The following NUTM2B variants were observed in gnomAD, a reference collection of about 807,000 sequenced individuals.
NUTM2B encodes the protein NUT family member 2B, also known as family with sequence similarity 22, member B.
A neutral mutation model predicts 42.4 loss-of-function variants in NUTM2B; 2 were observed. The observed-to-expected ratio is 0.05, with a 90% CI of 0.02 to 0.15. The LOEUF is 0.15. Among genes scored for constraint, NUTM2B ranks in the 10% least tolerant of loss-of-function variants. The probability of loss-of-function intolerance (pLI) is 1.00; values close to 1 mark genes in which losing one functional copy is unlikely to be tolerated. For missense variants in NUTM2B, 58 were observed against 952.6 expected, an observed-to-expected ratio of 0.06 and a Z score of 12.36; for synonymous variants, 18 against 402.4, an observed-to-expected ratio of 0.04 and a Z score of 11.43.
chr10:79,710,931 T>C (rs946097835), intron 5 of NUTM2B, among the ~76,000 whole-genome samples, 167 bp downstream of exon 5: 5 of 134,046 alleles, frequency 3.7e-5, no homozygotes, highest in African/African-American at 1.4e-4. Context: ...TGTGTTTGTG[T>C]CTGTGGTTTG....
the NUTM2B span, among the ~76,000 whole-genome samples, chr10:79,695,057 C>G: frequency 5.3e-4 from 81 of 152,300 alleles, no homozygotes; most frequent in African/African-American, 1.9e-3. Context: ...GACCTGAGCC[C>G]GTGTAAACTC....
intron 3 of NUTM2B, among the ~76,000 whole-genome samples, chr10:79,709,407 C>T (rs1322550073): frequency 7.4e-6 from 1 of 134,822 alleles, no homozygotes; most frequent in African/African-American, 2.8e-5. Context: ...GTCTCCCAGG[C>T]CTCGTGCCCC....
chr10:79,695,243 C>G, the NUTM2B span, among the ~76,000 whole-genome samples: 1 of 152,156 alleles, frequency 6.6e-6, no homozygotes, highest in Non-Finnish European at 1.5e-5. Flanking sequence ...CCTGAAGACT[C>G]CTTGTGAAGA....
At chr10:79,696,957 T>G in the NUTM2B span, among the ~76,000 whole-genome samples, 1 of 132,734 alleles carries the variant, frequency 7.5e-6, no homozygotes, top group African/African-American at 2.9e-5. Flanking sequence ...TACATTCACT[T>G]TGCAGTAACC....
At chr10:79,692,215 G>A in the NUTM2B span, among the ~76,000 whole-genome samples, 1 of 152,242 alleles carries the variant, frequency 6.6e-6, no homozygotes, top group East Asian at 1.9e-4. Context: ...GAAATGGGCA[G>A]TTATGTTCCG....
chr10:79,700,792 G>A (rs2983788), upstream of NUTM2B, among the ~76,000 whole-genome samples: 13,468 of 152,208 alleles, frequency 0.088, 967 homozygotes, highest in African/African-American at 0.2. Context: ...CTGGAACCTC[G>A]CCCGCCTCAA....
At chr10:79,698,893 A>G (rs1284420340), upstream of NUTM2B, among the ~76,000 whole-genome samples, 2 of 152,110 alleles carry the variant, frequency 1.3e-5, no homozygotes, top group Non-Finnish European at 2.9e-5. Context: ...ATGCCACCTT[A>G]TATCCCCAAA....
the NUTM2B span, among the ~76,000 whole-genome samples, chr10:79,698,164 AC>A: frequency 8.4e-6 from 1 of 119,132 alleles, no homozygotes; most frequent in East Asian, 4.2e-4. Flanking sequence ...CCCATACAAT[AC>A]AAAAAAAAAA....
chr10:79,702,076 G>C (rs1840323099), upstream of NUTM2B, among the ~76,000 whole-genome samples: 1 of 149,134 alleles, frequency 6.7e-6, no homozygotes, highest in Non-Finnish European at 1.5e-5. Context: ...AATCATTTAA[G>C]TTTGCCCCAT....
chr10:79,707,185 G>A lies in NUTM2B; in HGVS notation c.1082+444G>A, dbSNP rs1212272285. 3.0e-5 allele frequency among the ~76,000 whole-genome samples: 4 copies of A among 133,026 alleles called. 1 individual carries two copies. Among genetic ancestry groups the A allele is most frequent in the East Asian group, 2.5e-4 (1 of 4,044 alleles). The allele number at this position is 133,026 out of a possible 152,430, so 87.3% of individuals were successfully genotyped here. A position where few individuals can be genotyped will look rare whatever the true frequency, so the allele number is the denominator to read the frequency against. ...GAACCTGGCACATGCCTGCAGTTCC[G>A]CTGAGGTCCAGTTAGCACAGCGGTG... On this transcript the variant is annotated intron_variant, in intron 2 of 6. Coordinates refer to ENST00000429828, the Ensembl canonical transcript of NUTM2B.
At position 79,709,711 on chromosome 10, in the gene NUTM2B, C is replaced by A. The variant is rs1256909918; in HGVS notation, c.1212-89C>A. The A allele has an allele frequency of 9.5e-6, 5 of 526,588 alleles. 1 individual carries two copies. Among genetic ancestry groups the A allele is most frequent in the Admixed American group, 3.5e-5 (1 of 28,486 alleles). The allele number at this position is 526,588 out of a possible 1,614,324, so 32.6% of individuals were successfully genotyped here. ...CCTGGACAGCCCACCCGAGGCACTCCCTCCTATCCCTGCCCTCGGCCGCTG... is the reference window on the plus strand; with the variant it reads ...CCTGGACAGCCCACCCGAGGCACTCACTCCTATCCCTGCCCTCGGCCGCTG... On this transcript the variant is annotated intron_variant, in intron 3 of 6. Coordinates refer to ENST00000429828, the Ensembl canonical transcript of NUTM2B.
the NUTM2B span, among the ~76,000 whole-genome samples, chr10:79,696,859 A>C: frequency 6.6e-6 from 1 of 150,516 alleles, no homozygotes; most frequent in East Asian, 2.0e-4. Flanking sequence ...ATGAATAGTC[A>C]TGTAAGGCTC....
the NUTM2B span, among the ~76,000 whole-genome samples, chr10:79,694,390 T>C: frequency 7.1e-6 from 1 of 140,904 alleles, no homozygotes; most frequent in African/African-American, 2.6e-5. Flanking sequence ...AGAGGGAGAC[T>C]CTGTCTCAAA....
intron 3 of NUTM2B, 73 bp from the exon 4 acceptor site, chr10:79,709,727 T>C (rs1252982906): frequency 1.9e-6 from 1 of 518,294 alleles, no homozygotes; most frequent in Non-Finnish European, 3.2e-6. Context: ...ATCCCTGCCC[T>C]CGGCCGCTGC....
chr10:79,692,989 G>C, the NUTM2B span, among the ~76,000 whole-genome samples: 3 of 152,188 alleles, frequency 2.0e-5, no homozygotes, highest in African/African-American at 7.2e-5. Context: ...TCTGGGCAAG[G>C]AAGGAGAGGC....
At chr10:79,700,021 A>G (rs1364850565), upstream of NUTM2B, among the ~76,000 whole-genome samples, 42 of 152,276 alleles carry the variant, frequency 2.8e-4, no homozygotes, top group African/African-American at 1.0e-3. Flanking sequence ...CCTACAATTT[A>G]CAAATAATAT....
intron 2 of NUTM2B, among the ~76,000 whole-genome samples, chr10:79,707,221 C>T (rs1327828775): frequency 1.5e-5 from 2 of 133,062 alleles, no homozygotes; most frequent in East Asian, 2.5e-4. Flanking sequence ...GTGGAGCCTG[C>T]ATAGGGGGAT....
chr10:79,696,659 C>T, the NUTM2B span, among the ~76,000 whole-genome samples: 19 of 152,230 alleles, frequency 1.2e-4, no homozygotes, highest in Admixed American at 2.0e-4. Context: ...CGCACAAGTG[C>T]GAAAACCCAT....
chr10:79,699,153 C>A (rs1840270730), upstream of NUTM2B, among the ~76,000 whole-genome samples: 1 of 152,026 alleles, frequency 6.6e-6, no homozygotes, highest in Non-Finnish European at 1.5e-5. Flanking sequence ...TACAAATGGT[C>A]TTCCTACATT....
Sources: allele counts gnomAD v4.1 joint callset (sites outside exome capture counted in the v4.1 genomes callset), GRCh38; gene constraint gnomAD v4.1.1; transcripts MANE v1.5; gene names NCBI Gene and HGNC (gene_info 2026-07-23, HGNC 2026-07-21).